The following DMRT3 variants were observed in gnomAD, a reference collection of about 807,000 sequenced individuals.
The protein encoded by DMRT3 is doublesex and mab-3 related transcription factor 3.
A neutral mutation model predicts 34.9 loss-of-function variants in DMRT3; 29 were observed. The ratio of observed to expected loss-of-function variants is 0.83; its 90% confidence interval spans 0.62 to 1.13. The LOEUF (loss-of-function observed/expected upper bound fraction) is 1.13, where lower values mean the gene tolerates loss of function less well. DMRT3 is among the 50% of genes most tolerant of loss of function. DMRT3 has a pLI of 0.00. For synonymous variants in DMRT3, 350 were observed against 286.0 expected (o/e 1.22, Z -2.26); for missense variants, 772 against 629.1 (o/e 1.23, Z -2.43).
In DMRT3 at chr9:990,878, A is replaced by G. The variant is rs750795860; in HGVS notation, c.1292A>G (p.Glu431Gly). The G allele has an allele frequency of 6.2e-7, 1 of 1,614,142 alleles. No individual in the cohort carries two copies. Among genetic ancestry groups the G allele is most frequent in the Non-Finnish European group, 8.5e-7 (1 of 1,180,042 alleles). ...SSPVLPARAT[E>G]DPRISIPDDG... Reference sequence around the variant, plus strand: ...CCCGTCCTTCCTGCCCGCGCCACGGAAGACCCTCGGATTTCCATCCCTGAT... The same window carrying G: ...CCCGTCCTTCCTGCCCGCGCCACGGGAGACCCTCGGATTTCCATCCCTGAT... Residue 431 changes from glutamate to glycine, a missense_variant, in exon 2 of 2, where the codon GAA becomes GGA. By Grantham distance (98) the Glu-to-Gly change is moderately conservative. Transcript: ENST00000190165.
In DMRT3 at chr9:990,996, A is replaced by G; in HGVS notation, c.1410A>G (p.Thr470=). 6.2e-7 allele frequency: 1 copy of G among 1,609,940 alleles called. No individual in the cohort carries two copies. Residue 470 remains threonine (T), a synonymous_variant, in exon 2 of 2, where the codon ACA becomes ACG. Transcript: ENST00000190165. ...CCTCAGACTCTAGAACACTCAACAC[A>G]TCATCTTAAAGTGGTGCTGGATGGG... is the stretch of plus-strand genomic sequence containing the variant. ...SDSSDSRTLN[T]SS
At chr9:986,026 C>T (rs1375261044) in intron 1 of DMRT3, among the ~76,000 whole-genome samples, 1 of 152,216 alleles carries the variant, frequency 6.6e-6, no homozygotes, top group African/African-American at 2.4e-5. Flanking sequence ...GGCACAGAGA[C>T]CTGCGGAGAG....
intron 1 of DMRT3, among the ~76,000 whole-genome samples, chr9:983,162 G>A (rs1820242523): frequency 6.6e-6 from 1 of 152,146 alleles, no homozygotes; most frequent in Non-Finnish European, 1.5e-5. Context: ...GCTATAAAAG[G>A]CACAATCAAG....
intron 1 of DMRT3, chr9:989,790 A>G (rs1454746964): frequency 2.2e-5 from 9 of 404,108 alleles, no homozygotes; most frequent in Non-Finnish European, 3.5e-5. Flanking sequence ...TAGCCATTCT[A>G]TGTTGAAGGC....
At chr9:981,211 G>C (rs1399847839) in intron 1 of DMRT3, among the ~76,000 whole-genome samples, 1 of 151,962 alleles carries the variant, frequency 6.6e-6, no homozygotes, top group African/African-American at 2.4e-5. Flanking sequence ...CTTTATGCTT[G>C]CCTCTGGGCT....
chr9:985,471 A>G (rs969350887), intron 1 of DMRT3, among the ~76,000 whole-genome samples: 1 of 152,208 alleles, frequency 6.6e-6, no homozygotes, highest in Non-Finnish European at 1.5e-5. Flanking sequence ...ACCAACTAGA[A>G]TGATTTGTAA....
intron 1 of DMRT3, among the ~76,000 whole-genome samples, chr9:978,832 C>T (rs143123330): frequency 1.6e-4 from 25 of 152,308 alleles, no homozygotes; most frequent in African/African-American, 5.5e-4. Flanking sequence ...AGCATATAAA[C>T]GTTTCTCAGA....
In DMRT3 at chr9:990,654, G is replaced by C. The variant is rs370932496; in HGVS notation, c.1068G>C (p.Gly356=). The change falls in exon 2 of 2, where the codon GGG becomes GGC. Residue 356 remains glycine, a synonymous_variant. Coordinates refer to ENST00000190165, the MANE Select transcript of DMRT3 (RefSeq NM_021240.4). The stretch of plus-strand genomic sequence containing the variant: ...ACGTTGTCCCCAGTCCCTTGGCTGG[G>C]CCTCTGCAGCCCCCTTTCCCCCAGC... ...SSNVVPSPLA[G]PLQPPFPQPP... The C allele has an allele frequency of 2.5e-6, 4 of 1,613,974 alleles. No individual in the cohort carries two copies. The Admixed American group carries it at 6.7e-5, about 27-fold the overall frequency.
chr9:977,682 A>C (rs1344009369), intron 1 of DMRT3, among the ~76,000 whole-genome samples: 1 of 152,218 alleles, frequency 6.6e-6, no homozygotes, highest in African/African-American at 2.4e-5. Flanking sequence ...GCCTCCGGGC[A>C]GCCAAACGAC....
chr9:988,870 A>G (rs1820315962), intron 1 of DMRT3, among the ~76,000 whole-genome samples: 1 of 151,948 alleles, frequency 6.6e-6, no homozygotes, highest in Admixed American at 6.6e-5. Context: ...AAAGGACAAA[A>G]CTCTATTTGC....
intron 1 of DMRT3, among the ~76,000 whole-genome samples, chr9:981,784 G>A (rs770254768): frequency 6.6e-6 from 1 of 152,178 alleles, no homozygotes; most frequent in African/African-American, 2.4e-5. Context: ...TGCACCAGGG[G>A]GTCGGAGCTG....
At position 990,769 on chromosome 9, in the gene DMRT3, A is replaced by G; in HGVS notation, c.1183A>G (p.Met395Val). Residue 395 changes from methionine (M) to valine (V), a missense_variant, in exon 2 of 2, where the codon ATG becomes GTG. Coordinates refer to ENST00000190165, the MANE Select transcript of DMRT3 (RefSeq NM_021240.4). ...CAATGATGTCACCCTGTGGAACACC[A>G]TGACGCTGCAGCAGCAGTATCAGCT... is the stretch of plus-strand genomic sequence containing the variant. ...LPNDVTLWNTMTLQQQYQLRS... is the reference protein window; with the variant it reads ...LPNDVTLWNTVTLQQQYQLRS... 1.9e-6 allele frequency: 3 copies of G among 1,614,148 alleles called. No homozygotes were observed. In the East Asian group the frequency reaches 6.7e-5, roughly 36 times the overall value.
intron 1 of DMRT3, among the ~76,000 whole-genome samples, chr9:984,723 C>A (rs1361877651): frequency 6.6e-6 from 1 of 152,144 alleles, no homozygotes; most frequent in African/African-American, 2.4e-5. Context: ...TCCCAAAGTG[C>A]TGGGATTACA....
intron 1 of DMRT3, among the ~76,000 whole-genome samples, chr9:979,958 A>G (rs1178084736): frequency 4.6e-5 from 7 of 152,258 alleles, no homozygotes; most frequent in South Asian, 2.1e-4. Context: ...TACATTAAGT[A>G]TACAGACCAT....
In DMRT3 at chr9:990,399, C is replaced by T. The variant is rs911400043; in HGVS notation, c.813C>T (p.Leu271=). ...AGCCAACGGTGCTTGAGCTCATCCT[C>T]AAGGGCTGTGGCGGGGACCTGGTGA... ...NQKPTVLELI[L]KGCGGDLVSA... is the part of the protein sequence containing the mutation. Residue 271 remains leucine, a synonymous_variant, in exon 2 of 2, where the codon CTC becomes CTT. Transcript: ENST00000190165. The T allele has an allele frequency of 1.2e-6, 2 of 1,614,104 alleles. No homozygotes were observed. Among genetic ancestry groups the T allele is most frequent in the Non-Finnish European group, 1.7e-6 (2 of 1,180,032 alleles).
At position 991,697 on chromosome 9, in the gene DMRT3, T is replaced by A. The variant is rs1192448647; in HGVS notation, c.*692T>A. 1.3e-5 allele frequency: 2 copies of A among 152,656 alleles called. 1 individual carries two copies. The highest frequency in any genetic ancestry group is 2.9e-5 in the Non-Finnish European group (2 of 68,036). 9.5% of individuals were successfully genotyped at this position (152,656 alleles called of 1,614,324 possible). ...GCTTTGTCAGGTTAATGTAGCATGTTAAGGACTCTAGAAAAAAATAAACTA... is the reference window on the plus strand; with the variant it reads ...GCTTTGTCAGGTTAATGTAGCATGTAAAGGACTCTAGAAAAAAATAAACTA... On this transcript the variant is annotated 3_prime_UTR_variant, in exon 2 of 2. Transcript: ENST00000190165.
intron 1 of DMRT3, among the ~76,000 whole-genome samples, chr9:982,673 A>T (rs1820236616): frequency 6.6e-6 from 1 of 152,228 alleles, no homozygotes; most frequent in Non-Finnish European, 1.5e-5. Context: ...CAGAGAGAAA[A>T]GGAATAAATC....
intron 1 of DMRT3, among the ~76,000 whole-genome samples, chr9:978,674 T>C (rs1171119190): frequency 6.6e-6 from 1 of 152,216 alleles, no homozygotes; most frequent in Non-Finnish European, 1.5e-5. Context: ...AACGGGTGAC[T>C]GGCAGGTGGA....
rs756554759 is a variant in DMRT3, at chr9:990,263, A to G, written c.677A>G (p.Glu226Gly). The G allele has an allele frequency of 1.9e-6, 3 of 1,613,762 alleles. No individual in the cohort carries two copies. The highest frequency in any genetic ancestry group is 2.2e-5 in the East Asian group (1 of 44,850). Residue 226 changes from glutamate (E) to glycine (G), a missense_variant, in exon 2 of 2, where the codon GAG (glutamate) becomes GGG (glycine). Transcript: ENST00000190165. ...CCTGACAGCCCCAAGTGTCACGCGGAGCAGAATCACCTCCTGATTGAGGGC... is the reference window on the plus strand; with the variant it reads ...CCTGACAGCCCCAAGTGTCACGCGGGGCAGAATCACCTCCTGATTGAGGGC... Reference protein sequence around the residue: ...SRPDSPKCHAEQNHLLIEGPS... With the variant: ...SRPDSPKCHAGQNHLLIEGPS...
Sources: allele counts gnomAD v4.1 joint callset (sites outside exome capture counted in the v4.1 genomes callset), GRCh38; gene constraint gnomAD v4.1.1; transcripts MANE v1.5; gene names NCBI Gene and HGNC (gene_info 2026-07-23, HGNC 2026-07-21).